EML4: variants seen among roughly 807,000 people sequenced by gnomAD.
EML4 encodes echinoderm microtubule-associated protein-like 4.
EML4 carries 72 observed loss-of-function variants against 129.0 expected under a neutral mutation model. That is an observed-to-expected ratio of 0.56 (90% confidence interval 0.46 to 0.68). The LOEUF (loss-of-function observed/expected upper bound fraction) is 0.68, where lower values mean the gene tolerates loss of function less well. Ranked by LOEUF, EML4 falls within the 30% of genes least tolerant of loss-of-function variation. EML4 has a pLI of 0.00. For synonymous variants in EML4, 532 were observed against 405.0 expected (o/e 1.31, Z -3.77); for missense variants, 1,363 against 1,190.6 (o/e 1.14, Z -2.13).
chr2:42,289,249 G>A (rs1667481602), intron 11 of EML4: 1 of 152,152 alleles, frequency 6.6e-6, no homozygotes, highest in South Asian at 2.1e-4. Context: ...GCATGAAAAT[G>A]AAATATATCA....
Position 42,328,982 on chromosome 2 carries a change from T to A in EML4, c.2438T>A (p.Val813Asp), listed in dbSNP as rs1462455968. ...VIAVADDFCK[V>D]HLFQYPCSKA... ...GCTGTTGCCGATGACTTTTGTAAAG[T>A]CCATCTGTTTCAGTATCCCTGCTCC... The change falls in exon 22 of 23, where the codon GTC (valine) becomes GAC (aspartate). Residue 813 changes from valine to aspartate, a missense_variant. Physicochemically the swap from Val to Asp is radical, Grantham distance 152. Transcript: ENST00000318522. The A allele has an allele frequency of 1.2e-6, 2 of 1,613,130 alleles. No individual in the cohort carries two copies. The highest frequency in any genetic ancestry group is 1.7e-6 in the Non-Finnish European group (2 of 1,179,900).
chr2:42,245,900 A>T (rs1049723738), intron 2 of EML4, among the ~76,000 whole-genome samples: 2 of 152,146 alleles, frequency 1.3e-5, no homozygotes, highest in South Asian at 4.1e-4. Context: ...TTATACTCAC[A>T]GGTTTTTTAT....
chr2:42,275,081 T>C (rs1240544925), intron 6 of EML4, among the ~76,000 whole-genome samples: 2 of 152,184 alleles, frequency 1.3e-5, no homozygotes, highest in Admixed American at 1.3e-4. Context: ...CAGCACTGCC[T>C]AATGGAAATA....
At chr2:42,171,263 G>A (rs1049203724) in intron 1 of EML4, among the ~76,000 whole-genome samples, 12 of 152,176 alleles carry the variant, frequency 7.9e-5, no homozygotes, top group Admixed American at 4.6e-4. Context: ...TAAAAATTGA[G>A]TGTCTTCTTA....
In EML4 at chr2:42,301,362, T is replaced by A. The variant is rs530822077; in HGVS notation, c.1611T>A (p.Asp537Glu). The A allele has an allele frequency of 6.2e-7, 1 of 1,612,800 alleles. No homozygotes were observed. Among genetic ancestry groups the A allele is most frequent in the African/African-American group, 1.3e-5 (1 of 74,964 alleles). The change falls in exon 14 of 23, where the codon GAT becomes GAA. Residue 537 changes from aspartate to glutamate, a missense_variant. By Grantham distance (45) the Asp-to-Glu change is conservative (BLOSUM62 2). Transcript: ENST00000318522. ...AAGACAGAAAAATAATTCTGTGGGA[T>A]CATGATCTGAATCCTGAAAGAGAAA... The part of the protein sequence containing the change: ...GGKDRKIILW[D>E]HDLNPEREIE...
rs938424717 is a variant in EML4 at position 42,331,531 on chromosome 2, G to C, written c.*1324G>C. The stretch of plus-strand genomic sequence containing the variant: ...TGATTATAAAAAAGTATTTTGTTTT[G>C]ATTTTTTAACTTGCTGCATTGTTTT... On this transcript the variant is annotated 3_prime_UTR_variant, in exon 23 of 23. Transcript: ENST00000318522. 3 of 223,286 alleles carry C rather than the reference G, an allele frequency of 1.3e-5. No homozygotes were observed. The highest frequency in any genetic ancestry group is 4.5e-5 in the African/African-American group (2 of 44,760). 13.8% of individuals were successfully genotyped at this position (223,286 alleles called of 1,614,324 possible).
chr2:42,261,978 C>T (rs1261473811), intron 4 of EML4, among the ~76,000 whole-genome samples: 4 of 152,050 alleles, frequency 2.6e-5, no homozygotes, highest in Non-Finnish European at 5.9e-5. Context: ...CTACAGCTGC[C>T]TCCTAATCAA....
At position 42,221,403 on chromosome 2, in the gene EML4, C is replaced by CTTTTTTTTTTT. The variant is rs74816568; in HGVS notation, c.26-24088_26-24078dup. On this transcript the variant is annotated intron_variant, in intron 1 of 22. Coordinates refer to ENST00000318522, the MANE Select transcript of EML4 (RefSeq NM_019063.5). ...AGCACATTGTTTACAACATGGTTTA[C>CTTTTTTTTTTT]TTTTTTTTTTTTTTTTTTTTTTTTG... is the stretch of plus-strand genomic sequence containing the variant. Among the ~76,000 whole-genome samples the CTTTTTTTTTTT allele has an allele frequency of 1.1e-3, 121 of 108,230 alleles. 11 individuals are homozygous for CTTTTTTTTTTT. The highest frequency in any genetic ancestry group is 3.4e-3 in the African/African-American group (102 of 30,350). 71.0% of individuals were successfully genotyped at this position (108,230 alleles called of 152,430 possible).
chr2:42,184,282 G>A (rs1433934686), intron 1 of EML4, among the ~76,000 whole-genome samples: 4 of 151,600 alleles, frequency 2.6e-5, no homozygotes, highest in Non-Finnish European at 5.9e-5. Context: ...TGTGCACAAC[G>A]TGCAGGTTTG....
intron 1 of EML4, among the ~76,000 whole-genome samples, chr2:42,213,250 C>A (rs1031460636): frequency 4.6e-5 from 7 of 152,160 alleles, no homozygotes; most frequent in Non-Finnish European, 1.0e-4. Flanking sequence ...GCCTTCTGGT[C>A]ACTACTACTC....
intron 17 of EML4, 69 bp downstream of exon 17, chr2:42,304,620 C>G (rs762437134): frequency 1.6e-4 from 185 of 1,155,364 alleles, no homozygotes; most frequent in Middle Eastern, 9.6e-4. Context: ...GGAATGTTCT[C>G]AATCTGATCT....
At chr2:42,185,539 G>C (rs1279702684) in intron 1 of EML4, among the ~76,000 whole-genome samples, 1 of 152,128 alleles carries the variant, frequency 6.6e-6, no homozygotes, top group African/African-American at 2.4e-5. Context: ...TTACTTCTAG[G>C]CAGTTAGAGA....
chr2:42,205,041 A>G (rs1032782330), intron 1 of EML4, among the ~76,000 whole-genome samples: 1 of 152,186 alleles, frequency 6.6e-6, no homozygotes, highest in African/African-American at 2.4e-5. Context: ...TAATCATCCA[A>G]AGAACTTTGA....
chr2:42,172,793 A>G (rs1043921017), intron 1 of EML4, among the ~76,000 whole-genome samples: 5 of 152,186 alleles, frequency 3.3e-5, no homozygotes, highest in Non-Finnish European at 7.3e-5. Flanking sequence ...AAAAGTGGGA[A>G]GCTATTCATA....
chr2:42,304,901 C>T (rs970429874), intron 17 of EML4, among the ~76,000 whole-genome samples: 26 of 152,066 alleles, frequency 1.7e-4, no homozygotes, highest in African/African-American at 6.3e-4. Context: ...GGCGGATCAC[C>T]TGAGGTCAGG....
chr2:42,325,435 T>G (rs1669733218), intron 19 of EML4, 32 bp from the exon 20 acceptor site: 1 of 1,032,904 alleles, frequency 9.7e-7, no homozygotes, highest in African/African-American at 1.5e-5. Flanking sequence ...GAACTCTAAA[T>G]GCTTTCTAAC....
rs563188733 is a variant in EML4 at position 42,293,716 on chromosome 2, A to G, written c.1219-1409A>G. On this transcript the variant is annotated intron_variant, in intron 11 of 22. Transcript: ENST00000318522. ...AGTCTCTGCCTCCCGGGTTCAAGCA[A>G]TTCTCTGCCTCAGCCTCCCAAGTAG... is the stretch of plus-strand genomic sequence containing the variant. 1.4e-4 allele frequency among the ~76,000 whole-genome samples: 22 copies of G among 152,060 alleles called. No homozygotes were observed. The East Asian group carries it at 1.9e-3, about 13-fold the overall frequency.
At chr2:42,309,990 T>G (rs115188596) in intron 17 of EML4, among the ~76,000 whole-genome samples, 1 of 152,234 alleles carries the variant, frequency 6.6e-6, no homozygotes, top group East Asian at 1.9e-4. Flanking sequence ...CTCCAATTCG[T>G]CTTGAGTTAA....
intron 17 of EML4, among the ~76,000 whole-genome samples, chr2:42,310,034 A>C (rs912510474): frequency 1.3e-5 from 2 of 152,162 alleles, no homozygotes; most frequent in Non-Finnish European, 2.9e-5. Flanking sequence ...TAGGTGTCCA[A>C]CTTCATTCTT....
Sources: allele counts gnomAD v4.1 joint callset (sites outside exome capture counted in the v4.1 genomes callset), GRCh38; gene constraint gnomAD v4.1.1; transcripts MANE v1.5; gene names NCBI Gene and HGNC (gene_info 2026-07-23, HGNC 2026-07-21).